Variants in DPM2 observed in about 807,000 individuals in gnomAD.
DPM2 encodes dolichol phosphate-mannose biosynthesis regulatory protein.
A neutral mutation model predicts 12.1 loss-of-function variants in DPM2; 8 were observed. That is an observed-to-expected ratio of 0.66 (90% CI 0.39 to 1.19). The LOEUF (loss-of-function observed/expected upper bound fraction) is 1.19, where lower values mean the gene tolerates loss of function less well. DPM2 is among the 50% of genes most tolerant of loss of function. The pLI, the probability that DPM2 is intolerant of heterozygous loss-of-function variation, is 0.01. For synonymous variants in DPM2, 38 were observed against 44.7 expected (o/e 0.85, Z 0.60); for missense variants, 93 against 102.5 (o/e 0.91, Z 0.40).
chr9:127,937,344 G>T, intron 2 of DPM2, 90 bp downstream of exon 2: 1 of 991,466 alleles, frequency 1.0e-6, no homozygotes, highest in Non-Finnish European at 1.5e-6. Context: ...AGGCAATGAA[G>T]CCAGCGCCGT....
chr9:127,936,224 T>C, intron 3 of DPM2: 2 of 1,362,694 alleles, frequency 1.5e-6, no homozygotes, highest in East Asian at 2.6e-5. Context: ...GCAGTAATGA[T>C]GGAGACACAG....
chr9:127,937,577 A>C, intron 1 of DPM2, 54 bp from the exon 2 acceptor site: 1 of 1,488,770 alleles, frequency 6.7e-7, no homozygotes. Flanking sequence ...TCGGCGCACT[A>C]ATGGAAGCGG....
In DPM2 at chr9:127,937,837, C is replaced by T; in HGVS notation, c.-17G>A. Reference sequence around the variant, plus strand: ...TCTCACCATTTCCCCGCGCGCTCAGCCACCCGAGCCGCAAGCCACATCCGG... The same window carrying T: ...TCTCACCATTTCCCCGCGCGCTCAGTCACCCGAGCCGCAAGCCACATCCGG... On this transcript the variant is annotated 5_prime_UTR_variant, in exon 1 of 4. Transcript: ENST00000314392. 1 of 1,594,624 alleles carries T rather than the reference C, an allele frequency of 6.3e-7. No individual in the cohort carries two copies. Among genetic ancestry groups the T allele is most frequent in the Non-Finnish European group, 8.5e-7 (1 of 1,171,238 alleles).
At position 127,936,236 on chromosome 9, in the gene DPM2, C is replaced by A. The variant is rs532562515; in HGVS notation, c.196+317G>T. 22 of 1,395,568 alleles carry A rather than the reference C, an allele frequency of 1.6e-5. No individual in the cohort carries two copies. In the East Asian group the frequency reaches 4.9e-4, roughly 31 times the overall value. 86.4% of individuals were successfully genotyped at this position (1,395,568 alleles called of 1,614,324 possible). On this transcript the variant is annotated intron_variant, in intron 3 of 3. Coordinates refer to ENST00000314392, the MANE Select transcript of DPM2 (RefSeq NM_003863.4). Reference sequence around the variant, plus strand: ...TGTGCAGTAATGATGGAGACACAGTCCCCATCCCTAGGAAGCCATGAGAGA... The same window carrying A: ...TGTGCAGTAATGATGGAGACACAGTACCCATCCCTAGGAAGCCATGAGAGA...
intron 3 of DPM2, 43 bp from the exon 4 acceptor site, chr9:127,935,823 A>C: frequency 3.1e-6 from 5 of 1,602,494 alleles, no homozygotes; most frequent in Non-Finnish European, 3.4e-6. Flanking sequence ...ATCTAAGCTC[A>C]GGGCTGCTGG....
intron 3 of DPM2, 115 bp from the exon 4 acceptor site, chr9:127,935,895 C>T (rs2131647342): frequency 4.2e-6 from 4 of 961,218 alleles, no homozygotes; most frequent in Non-Finnish European, 6.5e-6. Context: ...ACCCAACCAT[C>T]CTCCAGGGAA....
At chr9:127,936,359 T>C (rs750169748) in intron 3 of DPM2, 194 bp downstream of exon 3, 60 of 1,533,258 alleles carry the variant, frequency 3.9e-5, no homozygotes, top group South Asian at 8.6e-5. Flanking sequence ...AGACAGGTCA[T>C]TGGAGTCCAA....
chr9:127,936,742 C>G, intron 2 of DPM2, 87 bp from the exon 3 acceptor site: 1 of 1,225,958 alleles, frequency 8.2e-7, no homozygotes, highest in Non-Finnish European at 1.1e-6. Flanking sequence ...ATCTAAGGGG[C>G]TGACCCATTC....
Position 127,935,684 on chromosome 9 carries a change from G to A in DPM2, c.*38C>T. 1.2e-6 allele frequency: 2 copies of A among 1,609,914 alleles called. No homozygotes were observed. The highest frequency in any genetic ancestry group is 1.7e-6 in the Non-Finnish European group (2 of 1,177,148). On this transcript the variant is annotated 3_prime_UTR_variant, in exon 4 of 4. Coordinates refer to ENST00000314392, the MANE Select transcript of DPM2 (RefSeq NM_003863.4). ...ACTTGGTCCCTGTGCTGGAGGGGAA[G>A]CAGAGAAGGGGCTGGCAGCCTCATC... is the stretch of plus-strand genomic sequence containing the variant.
intron 2 of DPM2, chr9:127,937,069 GT>G (rs1831518734): frequency 3.7e-6 from 1 of 270,462 alleles, no homozygotes; most frequent in Non-Finnish European, 6.9e-6. Flanking sequence ...TAACCAACAA[GT>G]TTTCCCACAA....
intron 2 of DPM2, 22 bp from the exon 3 acceptor site, chr9:127,936,677 T>C: frequency 1.4e-6 from 2 of 1,474,666 alleles, no homozygotes; most frequent in Non-Finnish European, 1.8e-6. Context: ...GGAAGAGCTC[T>C]GGTGTGTCTT....
Position 127,937,451 on chromosome 9 carries a change from C to T in DPM2, c.76G>A (p.Ala26Thr), listed in dbSNP as rs1831526924. Residue 26 changes from alanine to threonine, a missense_variant, in exon 2 of 4, where the codon GCC (alanine) becomes ACC (threonine). Transcript: ENST00000314392. The part of the protein sequence containing the change: ...VSLIIFTYYT[A>T]WVILLPFIDS... ...TGACATACCAAGAGAATCACCCAGG[C>T]GGTGTAGTAGGTGAAGATGATCAGG... 1 of 1,613,202 alleles carries T rather than the reference C, an allele frequency of 6.2e-7. No homozygotes were observed. The highest frequency in any genetic ancestry group is 1.3e-5 in the African/African-American group (1 of 74,884).
At chr9:127,936,319 GTGA>G in intron 3 of DPM2, 1 of 1,475,674 alleles carries the variant, frequency 6.8e-7, no homozygotes, top group Non-Finnish European at 9.0e-7. Flanking sequence ...TGTGAGCAGA[GTGA>G]TGATGGGGTT....
At position 127,935,773 on chromosome 9, in the gene DPM2, G is replaced by A. The variant is rs148371368; in HGVS notation, c.204C>T (p.Phe68=). Residue 68 remains phenylalanine (F), a synonymous_variant, in exon 4 of 4, where the codon TTC becomes TTT. Transcript: ENST00000314392. ...GLLLLLFVGL[F]ISYVMLKTKR... The stretch of plus-strand genomic sequence containing the variant: ...TGGTCTTCAGCATCACATAGGAGAT[G>A]AACAGTCCTGGGATACACAGACCAG... 1.2e-6 allele frequency: 2 copies of A among 1,613,038 alleles called. No homozygotes were observed. The highest frequency in any genetic ancestry group is 1.7e-6 in the Non-Finnish European group (2 of 1,179,188).
intron 2 of DPM2, 170 bp from the exon 3 acceptor site, chr9:127,936,825 A>C: frequency 1.8e-6 from 1 of 560,322 alleles, no homozygotes. Context: ...TCTTTCCTTA[A>C]TTTCTTATTG....
intron 1 of DPM2, 58 bp downstream of exon 1, chr9:127,937,760 C>T: frequency 6.2e-7 from 1 of 1,605,844 alleles, no homozygotes; most frequent in Non-Finnish European, 8.5e-7. Flanking sequence ...AGCTCCTGAG[C>T]AGACCCGGGA....
intron 2 of DPM2, chr9:127,936,899 CA>C (rs1831516375): frequency 4.9e-6 from 2 of 407,500 alleles, no homozygotes; most frequent in Admixed American, 4.2e-5. Flanking sequence ...GAGAACAGGG[CA>C]CAAGAGACCT....
At chr9:127,935,981 G>T in intron 3 of DPM2, 1 of 608,360 alleles carries the variant, frequency 1.6e-6, no homozygotes. Context: ...CTGAGTGCCT[G>T]CCTCAAGCAA....
At chr9:127,937,709 G>A (rs911326634) in intron 1 of DPM2, 109 bp downstream of exon 1, 1 of 1,432,584 alleles carries the variant, frequency 7.0e-7, no homozygotes. Context: ...GTACAATAGT[G>A]GGGGCGGGAG....
Sources: gnomAD v4.1 joint callset for allele counts on GRCh38, gnomAD v4.1.1 for gene constraint, MANE v1.5 for transcripts, NCBI Gene and HGNC (gene_info 2026-07-23, HGNC 2026-07-21) for gene names.